The following EML2 variants were observed in gnomAD, a reference collection of about 807,000 sequenced individuals.
EML2 encodes the protein echinoderm microtubule-associated protein-like 2.
In EML2, 59 loss-of-function variants were observed where a neutral mutation model predicts 84.7. That is an observed-to-expected ratio of 0.70 (90% CI 0.56 to 0.86). The LOEUF (loss-of-function observed/expected upper bound fraction) is 0.86. EML2 is among the 40% of genes least tolerant of loss of function. The pLI is 0.00. For missense variants in EML2, 818 were observed against 855.6 expected (o/e 0.96, Z 0.55); for synonymous variants, 352 against 348.9 (o/e 1.01, Z -0.10).
At chr19:45,616,994 C>T in intron 13 of EML2, 141 bp from the exon 14 acceptor site, 1 of 652,730 alleles carries the variant, frequency 1.5e-6, no homozygotes, top group Non-Finnish European at 2.8e-6. Flanking sequence ...GCCTATAATC[C>T]CAGCACGCTG....
chr19:45,642,689 G>T, upstream of EML2: 1 of 324,964 alleles, frequency 3.1e-6, no homozygotes, highest in Non-Finnish European at 4.7e-6. Context: ...GTGACCAGGC[G>T]CAGTGGCTCA....
intron 1 of EML2, 122 bp from the exon 2 acceptor site, chr19:45,638,995 G>C (rs754857995): frequency 2.5e-6 from 3 of 1,178,796 alleles, no homozygotes; most frequent in South Asian, 1.2e-5. Flanking sequence ...CCGAGTAAGG[G>C]GCAGAGCGCT....
rs1459027190 is a variant in EML2 at position 45,631,117 on chromosome 19, G to A, written c.511-1071C>T. 4.6e-5 allele frequency among the ~76,000 whole-genome samples: 7 copies of A among 152,282 alleles called. No homozygotes were observed. The South Asian group carries it at 1.5e-3, about 32-fold the overall frequency. Reference sequence around the variant, plus strand: ...CAGCTTCCACCTTCCAAAGTGCTGGGATTACAGTCATGAGCCACCTCGCCT... The same window carrying A: ...CAGCTTCCACCTTCCAAAGTGCTGGAATTACAGTCATGAGCCACCTCGCCT... On this transcript the variant is annotated intron_variant, in intron 6 of 18. Transcript: ENST00000245925.
rs374990026 is a variant in EML2 at position 45,633,185 on chromosome 19, G to C, written c.330-46C>G. The C allele has an allele frequency of 7.0e-5, 109 of 1,564,404 alleles. No individual in the cohort carries two copies. The African/African-American group carries it at 1.4e-3, about 21-fold the overall frequency. On this transcript the variant is annotated intron_variant, in intron 4 of 18. Transcript: ENST00000245925. ...GAGACCAGGGCTCAGTGGGAGAGAA[G>C]AGGCTCACAGAGACCCAGGACATTC...
chr19:45,642,075 G>A, upstream of EML2: 1 of 1,446,508 alleles, frequency 6.9e-7, no homozygotes. Flanking sequence ...AGAAGAGGGT[G>A]AGTATAAGGA....
upstream of EML2, among the ~76,000 whole-genome samples, chr19:45,644,190 T>A (rs999277946): frequency 6.6e-6 from 1 of 152,234 alleles, no homozygotes; most frequent in Non-Finnish European, 1.5e-5. Flanking sequence ...ATTAACTATT[T>A]TTATGATACC....
At chr19:45,639,196 C>A in intron 1 of EML2, 161 bp downstream of exon 1, 1 of 840,474 alleles carries the variant, frequency 1.2e-6, no homozygotes, top group African/African-American at 1.7e-5. Context: ...CCCGCAGTTC[C>A]CCCAGCACAC....
chr19:45,643,642 G>A, upstream of EML2: 1 of 1,536,114 alleles, frequency 6.5e-7, no homozygotes. Flanking sequence ...AGTAAAGGTG[G>A]TAGCTTAGAC....
intron 10 of EML2, 36 bp downstream of exon 10, chr19:45,621,447 T>C (rs1971688086): frequency 2.5e-6 from 4 of 1,594,216 alleles, no homozygotes; most frequent in Non-Finnish European, 2.6e-6. Context: ...GGGGGGGGCC[T>C]CTCTACCCCC....
chr19:45,622,544 T>C (rs914888445), intron 9 of EML2, among the ~76,000 whole-genome samples: 3 of 152,070 alleles, frequency 2.0e-5, no homozygotes, highest in African/African-American at 7.2e-5. Context: ...GATTCTCATG[T>C]CTCAGCCTCT....
intron 16 of EML2, among the ~76,000 whole-genome samples, 166 bp downstream of exon 16, chr19:45,615,636 T>A (rs1318065860): frequency 6.6e-6 from 1 of 151,148 alleles, no homozygotes; most frequent in Non-Finnish European, 1.5e-5. Context: ...AAAAGTGGGG[T>A]ATACCAGGGA....
rs770951449 is a variant in EML2 at position 45,624,854 on chromosome 19, C to CA, written c.742-37dup. 7 of 1,507,182 alleles carry CA rather than the reference C, an allele frequency of 4.6e-6. No individual in the cohort carries two copies. The African/African-American group carries it at 8.3e-5, about 18-fold the overall frequency. 93.4% of individuals were successfully genotyped at this position (1,507,182 alleles called of 1,614,324 possible). ...GGAGGAAAGGAAGGTGTCAGAGCGTCACTGAAGCAGGTAGCCTCCCAGAGG... is the reference window on the plus strand; with the variant it reads ...GGAGGAAAGGAAGGTGTCAGAGCGTCAACTGAAGCAGGTAGCCTCCCAGAGG... On this transcript the variant is annotated intron_variant, in intron 8 of 18. Coordinates refer to ENST00000245925, the MANE Select transcript of EML2 (RefSeq NM_012155.4).
chr19:45,626,878 A>T (rs1282277630), intron 7 of EML2, 39 bp from the exon 8 acceptor site: 2 of 1,566,158 alleles, frequency 1.3e-6, no homozygotes, highest in Non-Finnish European at 1.7e-6. Context: ...AGGACCTCAA[A>T]GTCCCCAAGG....
upstream of EML2, chr19:45,641,689 C>CG: frequency 1.3e-6 from 2 of 1,536,146 alleles, no homozygotes. Context: ...GGTCCGGCTG[C>CG]GGGGGTCCTC....
Position 45,634,481 on chromosome 19 carries a change from C to T in EML2, c.180-10G>A. 1 of 1,607,500 alleles carries T rather than the reference C, an allele frequency of 6.2e-7. No individual in the cohort carries two copies. The highest frequency in any genetic ancestry group is 8.5e-7 in the Non-Finnish European group (1 of 1,176,766). On this transcript the variant is annotated splice_polypyrimidine_tract_variant and intron_variant, in intron 3 of 18. Transcript: ENST00000245925. The stretch of plus-strand genomic sequence containing the variant: ...GCCACGGTAGCCATAGCTGGAGCCA[C>T]CCAGGGGCTGGTTAAGGAATGTGTT...
chr19:45,638,524 G>A lies in EML2; in HGVS notation c.160C>T (p.Arg54Trp), dbSNP rs765759936. ...LDTRSELPSC[R>W]LKLEWVYGYR... ...GGATACACCCACTCCAGCTTGAGCC[G>A]GCAAGAAGGCAGCTCCGAGCGTGTG... Residue 54 changes from arginine to tryptophan, a missense_variant, in exon 3 of 19, where the codon CGG (arginine) becomes TGG (tryptophan). By Grantham distance (101) the Arg-to-Trp change is moderately radical (BLOSUM62 -3). Coordinates refer to ENST00000245925, the MANE Select transcript of EML2 (RefSeq NM_012155.4). 2.5e-6 allele frequency: 4 copies of A among 1,613,928 alleles called. No homozygotes were observed. In the Admixed American group the frequency reaches 5.0e-5, roughly 20 times the overall value.
upstream of EML2, chr19:45,641,969 C>A (rs1414316654): frequency 2.8e-6 from 4 of 1,444,350 alleles, no homozygotes; most frequent in Non-Finnish European, 3.6e-6. Flanking sequence ...CGTGGCATAG[C>A]CACCCACGCG....
At chr19:45,641,891 G>T (rs1974549975), upstream of EML2, 4 of 1,455,868 alleles carry the variant, frequency 2.7e-6, no homozygotes, top group Non-Finnish European at 3.6e-6. Context: ...CTTGGAAGAG[G>T]CTGGGGGTCC....
rs934461014 is a variant in EML2, at chr19:45,626,811, G to T, written c.635C>A (p.Thr212Asn). Reference sequence around the variant, plus strand: ...CACAGTGGGGTCCGTGGGGTGGAAGGTGGCCACCAATACAGCCTCATTGGA... The same window carrying T: ...CACAGTGGGGTCCGTGGGGTGGAAGTTGGCCACCAATACAGCCTCATTGGA... ...KCSNEAVLVA[T>N]FHPTDPTVLI... Residue 212 changes from threonine to asparagine, a missense_variant, in exon 8 of 19, where the codon ACC (threonine) becomes AAC (asparagine). Thr to Asn is a moderately conservative substitution (Grantham distance 65, BLOSUM62 0). Transcript: ENST00000245925. The T allele has an allele frequency of 1.2e-6, 2 of 1,613,664 alleles. No homozygotes were observed. Among genetic ancestry groups the T allele is most frequent in the African/African-American group, 2.7e-5 (2 of 74,876 alleles).
Sources: allele counts gnomAD v4.1 joint callset (sites outside exome capture counted in the v4.1 genomes callset), GRCh38; gene constraint gnomAD v4.1.1; transcripts MANE v1.5; gene names NCBI Gene and HGNC (gene_info 2026-07-23, HGNC 2026-07-21).